DBF4B: variants seen among roughly 807,000 people sequenced by gnomAD.
DBF4B encodes DBF4B-CDC7 kinase regulatory subunit.
Under a neutral mutation model 53.4 loss-of-function variants are expected in DBF4B, and 49 were observed. The ratio of observed to expected loss-of-function variants is 0.92; its 90% CI spans 0.73 to 1.16. The LOEUF (loss-of-function observed/expected upper bound fraction) is 1.16, where lower values mean the gene tolerates loss of function less well. Ranked by LOEUF, DBF4B falls within the 50% of genes most tolerant of loss-of-function variation. The pLI is 0.00. For missense variants in DBF4B, 692 were observed against 775.0 expected (o/e 0.89, Z 1.27); for synonymous variants, 257 against 288.7 (o/e 0.89, Z 1.11).
At chr17:44,729,581 C>G (rs948064599) in intron 3 of DBF4B, among the ~76,000 whole-genome samples, 1 of 151,926 alleles carries the variant, frequency 6.6e-6, no homozygotes, top group Non-Finnish European at 1.5e-5. Flanking sequence ...TCAGTGTGTT[C>G]TTGCTGCATG....
chr17:44,726,182 T>C (rs1974306615), intron 3 of DBF4B, among the ~76,000 whole-genome samples: 2 of 150,864 alleles, frequency 1.3e-5, no homozygotes, highest in African/African-American at 4.9e-5. Flanking sequence ...GGAGACGGGG[T>C]TTCTCCATGT....
At chr17:44,727,910 G>A (rs540378653) in intron 3 of DBF4B, among the ~76,000 whole-genome samples, 1 of 132,790 alleles carries the variant, frequency 7.5e-6, no homozygotes, top group South Asian at 2.4e-4. Flanking sequence ...TGAAGACGAA[G>A]TTTCACCATG....
chr17:44,718,869 A>T (rs1973573611), intron 2 of DBF4B: 1 of 151,538 alleles, frequency 6.6e-6, no homozygotes, highest in African/African-American at 2.4e-5. Flanking sequence ...GCTCAGGCAG[A>T]AGAATCACTT....
Position 44,730,039 on chromosome 17 carries a change from G to C in DBF4B, c.360G>C (p.Ser120=). 1 of 1,613,200 alleles carries C rather than the reference G, an allele frequency of 6.2e-7. No homozygotes were observed. The highest frequency in any genetic ancestry group is 1.1e-5 in the South Asian group (1 of 91,016). Residue 120 remains serine, a synonymous_variant, in exon 4 of 14, where the codon TCG becomes TCC. Coordinates refer to ENST00000315005, the MANE Select transcript of DBF4B (RefSeq NM_145663.3). ...CCAGTGAGGTCAGAGTGGAAACATC[G>C]GCCATGGTTGATCCAAAAGGCAGCC... The part of the protein sequence containing the change: ...PSPSEVRVET[S]AMVDPKGSHP...
chr17:44,750,155 C>A, intron 13 of DBF4B: 1 of 996,992 alleles, frequency 1.0e-6, no homozygotes, highest in Non-Finnish European at 1.2e-6. Context: ...TCCTCCCTCG[C>A]TCCCTCCTCT....
At chr17:44,722,788 A>G in intron 2 of DBF4B, 92 bp from the exon 3 acceptor site, 3 of 1,429,178 alleles carry the variant, frequency 2.1e-6, no homozygotes, top group East Asian at 2.3e-5. Flanking sequence ...CTGTGCTATT[A>G]TAGCACACAG....
chr17:44,735,239 G>A (rs1305226940), intron 7 of DBF4B, among the ~76,000 whole-genome samples: 4 of 152,128 alleles, frequency 2.6e-5, no homozygotes, highest in Admixed American at 1.3e-4. Flanking sequence ...AAAAATTCTC[G>A]CCCTGCTCCA....
At chr17:44,736,977 T>G (rs983823259) in intron 8 of DBF4B, 111 bp downstream of exon 8, 1 of 1,299,652 alleles carries the variant, frequency 7.7e-7, no homozygotes, top group African/African-American at 1.5e-5. Context: ...AGCAAGCGAG[T>G]CCAGGTTATC....
chr17:44,751,082 C>G lies in DBF4B; in HGVS notation c.1677C>G (p.Pro559=). 2 of 1,614,150 alleles carry G rather than the reference C, an allele frequency of 1.2e-6. No individual in the cohort carries two copies. Among genetic ancestry groups the G allele is most frequent in the Non-Finnish European group, 1.7e-6 (2 of 1,180,022 alleles). The change falls in exon 14 of 14, where the codon CCC becomes CCG. Residue 559 remains proline, a synonymous_variant. Coordinates refer to ENST00000315005, the MANE Select transcript of DBF4B (RefSeq NM_145663.3). ...GCCTGTGGTGCCGGGTTCGGGTGCC[C>G]TCATTGTCAACTGCAGGACCCATTC... is the stretch of plus-strand genomic sequence containing the variant. ...TQSLWCRVRV[P]SLSTAGPIPR...
chr17:44,729,637 A>G (rs553814220), intron 3 of DBF4B, among the ~76,000 whole-genome samples: 1 of 151,494 alleles, frequency 6.6e-6, no homozygotes, highest in East Asian at 1.9e-4. Context: ...GCCTTCTGCC[A>G]CTGGGTCAGG....
In DBF4B at chr17:44,747,111, C is replaced by T. The variant is rs779155219; in HGVS notation, c.859C>T (p.Arg287Ter). The change falls in exon 11 of 14, where the codon CGA (arginine) becomes TGA (stop). Residue 287 changes from arginine to a stop codon, truncating the protein, a stop_gained. Coordinates refer to ENST00000315005, the MANE Select transcript of DBF4B (RefSeq NM_145663.3). LOFTEE classifies it high-confidence loss of function. Reference sequence around the variant, plus strand: ...ATCCAAGGATGGAGAGCCAAGCCCACGATCAGCTGCCCACACCATGCCCAG... The same window carrying T: ...ATCCAAGGATGGAGAGCCAAGCCCATGATCAGCTGCCCACACCATGCCCAG... Reference protein sequence around the residue: ...RESKDGEPSPRSAAHTMPRRK... With the variant: ...RESKDGEPSP 26 of 1,614,046 alleles carry T rather than the reference C, an allele frequency of 1.6e-5. No individual in the cohort carries two copies. Among genetic ancestry groups the T allele is most frequent in the South Asian group, 3.3e-5 (3 of 91,092 alleles).
chr17:44,750,946 C>G lies in DBF4B; in HGVS notation c.1541C>G (p.Pro514Arg), dbSNP rs772501920. The change falls in exon 14 of 14, where the codon CCT becomes CGT. Residue 514 changes from proline (P) to arginine (R), a missense_variant. Around this residue, in one of 3 missense-constraint regions of DBF4B, gnomAD observed 597 missense variants for 665.8 expected, o/e 0.90. Transcript: ENST00000315005. ...MSARCWVRPFPFVTWGCLIPH... is the reference protein window; with the variant it reads ...MSARCWVRPFRFVTWGCLIPH... ...GCACGCTGCTGGGTTCGTCCCTTTC[C>G]TTTTGTGACATGGGGTTGCCTCATT... is the stretch of plus-strand genomic sequence containing the variant. 6.2e-7 allele frequency: 1 copy of G among 1,614,208 alleles called. No homozygotes were observed. The highest frequency in any genetic ancestry group is 8.5e-7 in the Non-Finnish European group (1 of 1,180,038).
At position 44,723,027 on chromosome 17, in the gene DBF4B, G is replaced by A; in HGVS notation, c.225+5G>A. On this transcript the variant is annotated splice_donor_5th_base_variant and intron_variant, in intron 3 of 13. Transcript: ENST00000315005. ...GCCATTCAGCAACTGGGTGGGGTAG[G>A]TAACCTGCTCTTCTCCTGCGATGCC... 6.2e-7 allele frequency: 1 copy of A among 1,613,892 alleles called. No homozygotes were observed. Among genetic ancestry groups the A allele is most frequent in the Non-Finnish European group, 8.5e-7 (1 of 1,179,848 alleles).
At chr17:44,728,389 A>G (rs1481908747) in intron 3 of DBF4B, among the ~76,000 whole-genome samples, 1 of 152,132 alleles carries the variant, frequency 6.6e-6, no homozygotes, top group East Asian at 1.9e-4. Flanking sequence ...AGGAAGAGCA[A>G]AGTCATATTG....
chr17:44,729,418 C>T (rs1974629314), intron 3 of DBF4B, among the ~76,000 whole-genome samples: 1 of 151,950 alleles, frequency 6.6e-6, no homozygotes, highest in Admixed American at 6.6e-5. Flanking sequence ...GTTGCCCAGG[C>T]AGGTCTTGAA....
intron 7 of DBF4B, among the ~76,000 whole-genome samples, chr17:44,735,510 A>G (rs1277668563): frequency 6.6e-6 from 1 of 151,990 alleles, no homozygotes; most frequent in Non-Finnish European, 1.5e-5. Context: ...TGTCTCTACT[A>G]AAATACAAAA....
At position 44,747,149 on chromosome 17, in the gene DBF4B, C is replaced by T. The variant is rs1355167743; in HGVS notation, c.897C>T (p.Gly299=). 6.2e-7 allele frequency: 1 copy of T among 1,614,090 alleles called. No homozygotes were observed. The highest frequency in any genetic ancestry group is 8.5e-7 in the Non-Finnish European group (1 of 1,180,042). The stretch of plus-strand genomic sequence containing the variant: ...ACACCATGCCCAGGAGGAAGAAAGG[C>T]TACTGCGAGTGCTGTCAGGAGGCCT... ...AAHTMPRRKK[G]YCECCQEAFE... Residue 299 remains glycine, a synonymous_variant, in exon 11 of 14, where the codon GGC becomes GGT. Coordinates refer to ENST00000315005, the MANE Select transcript of DBF4B (RefSeq NM_145663.3).
At chr17:44,744,078 A>ACC (rs1427135044) in intron 10 of DBF4B, among the ~76,000 whole-genome samples, 1 of 12,070 alleles carries the variant, frequency 8.3e-5, no homozygotes, top group Non-Finnish European at 1.6e-4. Flanking sequence ...ACATAATGAG[A>ACC]CCACCCCCCC....
rs180845625 is a variant in DBF4B at position 44,713,233 on chromosome 17, G to A, written c.82+3867G>A. 3.9e-3 allele frequency among the ~76,000 whole-genome samples: 591 copies of A among 149,648 alleles called. 1 individual carries two copies. The highest frequency in any genetic ancestry group is 0.014 in the Middle Eastern group (4 of 290). On this transcript the variant is annotated intron_variant, in intron 2 of 13. Transcript: ENST00000315005. ...TTTTTGGTTTTTTTTAGTAGAGATG[G>A]GGTTTCACTGTGTTAGCCTGTATGG...
Sources: gnomAD v4.1 joint callset for allele counts (sites outside exome capture counted in the v4.1 genomes callset) on GRCh38, gnomAD v4.1.1 for gene constraint, gnomAD v4.1.1 regional missense constraint, MANE v1.5 for transcripts, NCBI Gene and HGNC (gene_info 2026-07-23, HGNC 2026-07-21) for gene names.